The following POU6F2 variants were observed in gnomAD, a reference collection of about 807,000 sequenced individuals.
The protein encoded by POU6F2 is POU class 6 homeobox 2.
POU6F2 carries 31 observed loss-of-function variants against 71.3 expected under a neutral mutation model. The ratio of observed to expected loss-of-function variants is 0.43; its 90% CI spans 0.33 to 0.59. The LOEUF (loss-of-function observed/expected upper bound fraction) is 0.59. POU6F2 is among the 20% of genes least tolerant of loss of function. The pLI, the probability that POU6F2 is intolerant of heterozygous loss-of-function variation, is 0.04. For missense variants in POU6F2, 783 were observed against 856.8 expected, an observed-to-expected ratio of 0.91 and a Z score of 1.07; for synonymous variants, 347 against 355.7, an observed-to-expected ratio of 0.98 and a Z score of 0.27.
At chr7:39,118,816 T>A (rs1318593372) in intron 2 of POU6F2, among the ~76,000 whole-genome samples, 2 of 152,094 alleles carry the variant, frequency 1.3e-5, no homozygotes. Flanking sequence ...CATAAAAAGA[T>A]CACACCAAAG....
chr7:39,150,462 ATTT>A (rs1263641232), intron 2 of POU6F2, among the ~76,000 whole-genome samples: 164 of 99,274 alleles, frequency 1.7e-3, no homozygotes, highest in African/African-American at 5.7e-3. Context: ...ACCAAGCTAC[ATTT>A]TTTTTTTTTT....
intron 4 of POU6F2, among the ~76,000 whole-genome samples, chr7:39,331,714 T>C (rs1444882618): frequency 6.6e-6 from 1 of 152,194 alleles, no homozygotes; most frequent in Non-Finnish European, 1.5e-5. Flanking sequence ...TTTCACCACG[T>C]TGGCCAGGCT....
At chr7:39,461,491 T>A (rs1333866938) in intron 9 of POU6F2, among the ~76,000 whole-genome samples, 1 of 152,164 alleles carries the variant, frequency 6.6e-6, no homozygotes, top group Non-Finnish European at 1.5e-5. Flanking sequence ...GGGCAATACC[T>A]TATGAGTCCT....
intron 1 of POU6F2, among the ~76,000 whole-genome samples, chr7:39,060,207 C>CAAA (rs879331093): frequency 7.7e-6 from 1 of 129,442 alleles, no homozygotes; most frequent in South Asian, 2.5e-4. Flanking sequence ...AATTCCGTCT[C>CAAA]AAAAAAAAAA....
At chr7:39,229,908 T>C (rs1257514553) in intron 4 of POU6F2, among the ~76,000 whole-genome samples, 2 of 152,222 alleles carry the variant, frequency 1.3e-5, no homozygotes, top group Non-Finnish European at 2.9e-5. Flanking sequence ...ATTGAGCACA[T>C]ACTAAATTCT....
chr7:39,330,412 C>T lies in POU6F2; in HGVS notation c.599-9230C>T, dbSNP rs183293786. ...CCGGTCCTCCCTTCCCCTCCTCCCT[C>T]CCACCAAGCATTCCCTTCCACGTGG... is the stretch of plus-strand genomic sequence containing the variant. On this transcript the variant is annotated intron_variant, in intron 4 of 9. Coordinates refer to ENST00000518318, the MANE Select transcript of POU6F2 (RefSeq NM_001370959.1). 2.0e-5 allele frequency among the ~76,000 whole-genome samples: 3 copies of T among 152,304 alleles called. No homozygotes were observed. The East Asian group carries it at 5.8e-4, about 29-fold the overall frequency.
intron 1 of POU6F2, among the ~76,000 whole-genome samples, chr7:39,035,834 A>G (rs1051199526): frequency 3.9e-5 from 6 of 152,204 alleles, no homozygotes; most frequent in African/African-American, 9.6e-5. Context: ...GAGAGGAAAT[A>G]AGTTGAAATC....
At chr7:39,194,539 CTG>C (rs1793740062) in intron 2 of POU6F2, among the ~76,000 whole-genome samples, 1 of 5,306 alleles carries the variant, frequency 1.9e-4, no homozygotes, top group African/African-American at 0.01. Context: ...AATCAGCACT[CTG>C]TAAAGTGGAC....
At chr7:39,065,554 T>C (rs780826854) in intron 1 of POU6F2, among the ~76,000 whole-genome samples, 4 of 151,318 alleles carry the variant, frequency 2.6e-5, no homozygotes, top group Admixed American at 2.6e-4. Flanking sequence ...GCCAATAAAA[T>C]AAATATTTGC....
At chr7:39,299,409 C>G (rs1784911928) in intron 4 of POU6F2, among the ~76,000 whole-genome samples, 1 of 152,040 alleles carries the variant, frequency 6.6e-6, no homozygotes, top group African/African-American at 2.4e-5. Context: ...AGAGGGAACT[C>G]AAATAATTAA....
intron 4 of POU6F2, among the ~76,000 whole-genome samples, chr7:39,287,700 A>G (rs758943677): frequency 2.6e-5 from 4 of 152,200 alleles, no homozygotes; most frequent in East Asian, 1.9e-4. Context: ...TTACCTGTCC[A>G]GGGTCATTCT....
intron 1 of POU6F2, among the ~76,000 whole-genome samples, chr7:39,025,918 C>T (rs1217992529): frequency 2.6e-5 from 4 of 152,108 alleles, no homozygotes; most frequent in Non-Finnish European, 4.4e-5. Context: ...AAACAAACAA[C>T]CCCATCAAAC....
chr7:39,359,229 A>G (rs1333094433), intron 5 of POU6F2, among the ~76,000 whole-genome samples: 3 of 152,072 alleles, frequency 2.0e-5, no homozygotes, highest in South Asian at 4.2e-4. Context: ...GTTAGACAGT[A>G]TGTAAAGGAT....
chr7:39,030,543 T>TATATATATATATATATAC (rs1491146903), intron 1 of POU6F2, among the ~76,000 whole-genome samples: 6 of 88,012 alleles, frequency 6.8e-5, no homozygotes, highest in Non-Finnish European at 9.2e-5. Flanking sequence ...TATATATATA[T>TATATATATATATATATAC]ACACACACAT....
At chr7:39,090,509 C>T (rs966785480) in intron 2 of POU6F2, among the ~76,000 whole-genome samples, 1 of 152,036 alleles carries the variant, frequency 6.6e-6, no homozygotes, top group African/African-American at 2.4e-5. Context: ...TCACTGTCTT[C>T]ATTACTTTAT....
At chr7:39,009,967 T>C (rs1325851115) in intron 1 of POU6F2, among the ~76,000 whole-genome samples, 1 of 152,064 alleles carries the variant, frequency 6.6e-6, no homozygotes, top group Non-Finnish European at 1.5e-5. Context: ...TCATCAAGGA[T>C]ACTGGTCTAA....
intron 2 of POU6F2, among the ~76,000 whole-genome samples, chr7:39,099,439 C>T (rs1319510516): frequency 6.6e-6 from 1 of 152,184 alleles, no homozygotes; most frequent in Non-Finnish European, 1.5e-5. Context: ...CTGCCTTGAC[C>T]ACACTGTTGC....
intron 2 of POU6F2, among the ~76,000 whole-genome samples, chr7:39,094,733 A>G (rs1791420710): frequency 6.6e-6 from 1 of 150,938 alleles, no homozygotes; most frequent in South Asian, 2.1e-4. Flanking sequence ...AGGGGTTAAT[A>G]TGATTTAAAA....
intron 2 of POU6F2, 130 bp downstream of exon 2, chr7:39,086,161 G>A: frequency 1.0e-6 from 1 of 974,602 alleles, no homozygotes; most frequent in Non-Finnish European, 1.5e-6. Flanking sequence ...GAGCATCTTG[G>A]AGGTGCTAAG....
Sources: allele counts gnomAD v4.1 joint callset (sites outside exome capture counted in the v4.1 genomes callset), GRCh38; gene constraint gnomAD v4.1.1; transcripts MANE v1.5; gene names NCBI Gene and HGNC (gene_info 2026-07-23, HGNC 2026-07-21).